Variants in CFAP43 observed in about 807,000 individuals in gnomAD.
CFAP43 encodes cilia and flagella associated protein 43, also known as cilia- and flagella-associated protein 43.
Under a neutral mutation model 218.9 loss-of-function variants are expected in CFAP43, and 155 were observed. That is an observed-to-expected ratio of 0.71 (90% CI 0.62 to 0.81). The LOEUF (loss-of-function observed/expected upper bound fraction) is 0.81. CFAP43 is among the 30% of genes least tolerant of loss of function. CFAP43 has a pLI of 0.00. For synonymous variants in CFAP43, 645 were observed against 681.3 expected (o/e 0.95, Z 0.83); for missense variants, 1,778 against 1,954.3 (o/e 0.91, Z 1.70).
At position 104,211,892 on chromosome 10, in the gene CFAP43, C is replaced by G. The variant is rs943007177; in HGVS notation, c.735+115G>C. On this transcript the variant is annotated intron_variant, in intron 5 of 37. Coordinates refer to ENST00000357060, the MANE Select transcript of CFAP43 (RefSeq NM_025145.7). ...TCTGTGGCTAATCTATATTAAAAAC[C>G]AAGATGATCCTCTGTATCCTGCATT... 4.1e-6 allele frequency: 5 copies of G among 1,233,806 alleles called. No individual in the cohort carries two copies. The African/African-American group carries it at 6.2e-5, about 15-fold the overall frequency. The allele number at this position is 1,233,806 out of a possible 1,614,324, so 76.4% of individuals were successfully genotyped here. A position where few individuals can be genotyped will look rare whatever the true frequency, so the allele number is the denominator to read the frequency against.
intron 8 of CFAP43, among the ~76,000 whole-genome samples, chr10:104,201,584 GA>G (rs766345242): frequency 4.0e-5 from 6 of 151,854 alleles, no homozygotes; most frequent in Non-Finnish European, 5.9e-5. Context: ...GAGATCCTTG[GA>G]ACACTTTATT....
chr10:104,162,218 A>C (rs779943254), intron 25 of CFAP43, 99 bp downstream of exon 25: 8 of 1,306,390 alleles, frequency 6.1e-6, no homozygotes, highest in Non-Finnish European at 8.9e-6. Flanking sequence ...GTGACCTCTG[A>C]CCACGACAAA....
Position 104,161,104 on chromosome 10 carries a change from C to A in CFAP43, c.3473G>T (p.Arg1158Ile). Residue 1158 changes from arginine to isoleucine, a missense_variant, in exon 27 of 38, where the codon AGA becomes ATA. By Grantham distance (97) the Arg-to-Ile change is moderately conservative. Transcript: ENST00000357060. ...TTTCTCATAATCTTTGAATTGTTTT[C>A]TTTCTTCTTCAGTCCACACAGCATC... is the stretch of plus-strand genomic sequence containing the variant. ...KPDAVWTEEE[R>I]KQFKDYEKKV... 2 of 1,613,496 alleles carry A rather than the reference C, an allele frequency of 1.2e-6. No individual in the cohort carries two copies. Among genetic ancestry groups the A allele is most frequent in the Non-Finnish European group, 1.7e-6 (2 of 1,179,706 alleles).
rs771656411 is a variant in CFAP43, at chr10:104,232,268, G to GGAGCAGGCA, written c.-31_-23dup. 531 of 1,587,416 alleles carry GGAGCAGGCA rather than the reference G, an allele frequency of 3.3e-4. 1 individual carries two copies. Among genetic ancestry groups the GGAGCAGGCA allele is most frequent in the Middle Eastern group, 2.1e-3 (11 of 5,268 alleles). ...CCATGGGCAGTGTTTTCCTCAGGCGGGAGCAGGCAGCGCACGCAGCACCCC... is the reference window on the plus strand; with the variant it reads ...CCATGGGCAGTGTTTTCCTCAGGCGGGAGCAGGCAGAGCAGGCAGCGCACGCAGCACCCC... On this transcript the variant is annotated 5_prime_UTR_variant, in exon 1 of 38. Transcript: ENST00000357060.
At chr10:104,217,394 G>A (rs917740157) in intron 3 of CFAP43, among the ~76,000 whole-genome samples, 1 of 150,524 alleles carries the variant, frequency 6.6e-6, no homozygotes, top group African/African-American at 2.4e-5. Flanking sequence ...AGTGTTCCAG[G>A]CATTTTAAAT....
At chr10:104,156,339 G>A (rs1347279654) in intron 27 of CFAP43, among the ~76,000 whole-genome samples, 1 of 152,084 alleles carries the variant, frequency 6.6e-6, no homozygotes, top group East Asian at 1.9e-4. Flanking sequence ...TATTCTTAGC[G>A]GGATATAGTC....
chr10:104,222,296 C>T (rs2091202949), intron 3 of CFAP43, among the ~76,000 whole-genome samples: 1 of 152,184 alleles, frequency 6.6e-6, no homozygotes, highest in African/African-American at 2.4e-5. Flanking sequence ...GTGTTTAGGC[C>T]CACTGCTGGC....
intron 7 of CFAP43, among the ~76,000 whole-genome samples, chr10:104,205,335 C>T (rs917331116): frequency 5.4e-4 from 82 of 152,084 alleles, no homozygotes; most frequent in African/African-American, 2.0e-3. Flanking sequence ...TTTGATACAC[C>T]TATGTTCAAG....
intron 33 of CFAP43, 127 bp from the exon 34 acceptor site, chr10:104,141,128 C>T: frequency 1.0e-6 from 1 of 972,188 alleles, no homozygotes; most frequent in Non-Finnish European, 1.5e-6. Context: ...GAATATTTTC[C>T]TGATGATGAG....
intron 29 of CFAP43, 42 bp downstream of exon 29, chr10:104,147,849 A>T (rs746870012): frequency 3.5e-6 from 5 of 1,409,666 alleles, no homozygotes; most frequent in East Asian, 4.7e-5. Context: ...GGGCATGTCT[A>T]TCAGAAAATG....
chr10:104,131,064 G>A (rs2087166587), intron 37 of CFAP43, among the ~76,000 whole-genome samples: 2 of 151,474 alleles, frequency 1.3e-5, no homozygotes, highest in South Asian at 4.2e-4. Flanking sequence ...AGGCAGGGAG[G>A]GAGGAAGGGC....
At chr10:104,131,015 A>G (rs1271148603) in intron 37 of CFAP43, among the ~76,000 whole-genome samples, 2 of 150,906 alleles carry the variant, frequency 1.3e-5, no homozygotes, top group African/African-American at 4.9e-5. Flanking sequence ...AAAAAAAAAA[A>G]AAAAAAGAAA....
chr10:104,186,011 T>G lies in CFAP43; in HGVS notation c.1973A>C (p.Lys658Thr). 1.2e-6 allele frequency: 2 copies of G among 1,611,498 alleles called. No individual in the cohort carries two copies. The highest frequency in any genetic ancestry group is 1.7e-6 in the Non-Finnish European group (2 of 1,179,376). The change falls in exon 15 of 38, where the codon AAA (lysine) becomes ACA (threonine). Residue 658 changes from lysine (K) to threonine (T), a missense_variant. By Grantham distance (78) the Lys-to-Thr change is moderately conservative. Transcript: ENST00000357060. Reference sequence around the variant, plus strand: ...GTCTCGGATACACAGAATTCCACATTTAGCTATTGTTATGAGCCACAATCC... The same window carrying G: ...GTCTCGGATACACAGAATTCCACATGTAGCTATTGTTATGAGCCACAATCC... ...SHGLWLITIAKCGILCIRDVY... is the reference protein window; with the variant it reads ...SHGLWLITIATCGILCIRDVY...
At chr10:104,163,776 A>G (rs17116607) in intron 24 of CFAP43, among the ~76,000 whole-genome samples, 2,945 of 152,354 alleles carry the variant, frequency 0.019, 98 homozygotes, top group African/African-American at 0.068. Context: ...GATACAAAGT[A>G]GAAATTGCTA....
Position 104,193,892 on chromosome 10 carries a change from G to A in CFAP43, c.1416C>T (p.Leu472=). The A allele has an allele frequency of 6.2e-7, 1 of 1,614,170 alleles. No individual in the cohort carries two copies. The highest frequency in any genetic ancestry group is 8.5e-7 in the Non-Finnish European group (1 of 1,180,018). ...ESPQVVHKAF[L]SESSVQHVVY... ...CGACGTGCTGCACGGACGATTCCGAGAGAAAGGCCTTGTGCACGACCTGAG... is the reference window on the plus strand; with the variant it reads ...CGACGTGCTGCACGGACGATTCCGAAAGAAAGGCCTTGTGCACGACCTGAG... Residue 472 remains leucine, a synonymous_variant, in exon 11 of 38, where the codon CTC becomes CTT. Transcript: ENST00000357060.
intron 16 of CFAP43, among the ~76,000 whole-genome samples, chr10:104,182,752 C>T (rs1002958212): frequency 6.6e-6 from 1 of 151,936 alleles, no homozygotes; most frequent in African/African-American, 2.4e-5. Context: ...TGCTCTGTCA[C>T]CTAGGCTGGA....
At chr10:104,225,887 T>C (rs1408568602) in intron 2 of CFAP43, among the ~76,000 whole-genome samples, 1 of 152,262 alleles carries the variant, frequency 6.6e-6, no homozygotes, top group Non-Finnish European at 1.5e-5. Context: ...ATATGAGACA[T>C]TGTAATTAGA....
At chr10:104,164,428 C>A in intron 23 of CFAP43, 128 bp from the exon 24 acceptor site, 1 of 695,424 alleles carries the variant, frequency 1.4e-6, no homozygotes, top group Non-Finnish European at 2.3e-6. Context: ...GATGCAGTCT[C>A]GCTTTGTTGT....
intron 1 of CFAP43, 128 bp from the exon 2 acceptor site, chr10:104,230,971 A>G: frequency 9.8e-7 from 1 of 1,019,766 alleles, no homozygotes; most frequent in Admixed American, 3.2e-5. Flanking sequence ...CCCAATTTCT[A>G]AGATAAAAGA....
Sources: allele counts gnomAD v4.1 joint callset (sites outside exome capture counted in the v4.1 genomes callset), GRCh38; gene constraint gnomAD v4.1.1; transcripts MANE v1.5; gene names NCBI Gene and HGNC (gene_info 2026-07-23, HGNC 2026-07-21).